Variants in MACROD2 observed in about 807,000 individuals in gnomAD.
MACROD2 encodes the protein ADP-ribose glycohydrolase MACROD2.
Under a neutral mutation model 70.4 loss-of-function variants are expected in MACROD2, and 36 were observed. The observed-to-expected ratio is 0.51, with a 90% CI of 0.39 to 0.68. The LOEUF is 0.68. MACROD2 is among the 30% of genes least tolerant of loss of function. The probability of loss-of-function intolerance (pLI) is 0.00; values close to 1 mark genes in which losing one functional copy is unlikely to be tolerated. For missense variants in MACROD2, 496 were observed against 538.4 expected (o/e 0.92, Z 0.78); for synonymous variants, 172 against 178.8 (o/e 0.96, Z 0.30).
chr20:15,383,705 T>G (rs2146282239), intron 6 of MACROD2, among the ~76,000 whole-genome samples: 1 of 152,322 alleles, frequency 6.6e-6, no homozygotes, highest in Non-Finnish European at 1.5e-5. Context: ...TCTGGTGCAC[T>G]TCCCAGAAAC....
intron 8 of MACROD2, among the ~76,000 whole-genome samples, chr20:15,627,356 C>G (rs1305574870): frequency 6.6e-6 from 1 of 152,070 alleles, no homozygotes; most frequent in East Asian, 1.9e-4. Context: ...GTTCTTCCTG[C>G]CCCACTGCAC....
At chr20:15,661,974 A>G (rs549632023) in intron 8 of MACROD2, among the ~76,000 whole-genome samples, 1 of 151,876 alleles carries the variant, frequency 6.6e-6, no homozygotes, top group Non-Finnish European at 1.5e-5. Flanking sequence ...ACCTTTTCCA[A>G]TTTTCTCTTA....
intron 10 of MACROD2, among the ~76,000 whole-genome samples, chr20:15,911,687 A>C (rs2065239825): frequency 6.6e-6 from 1 of 152,192 alleles, no homozygotes; most frequent in Admixed American, 6.5e-5. Context: ...CAGGGGAGGA[A>C]ATAAAAGCTA....
At chr20:15,578,518 G>T (rs2048479221) in intron 8 of MACROD2, among the ~76,000 whole-genome samples, 1 of 152,252 alleles carries the variant, frequency 6.6e-6, no homozygotes, top group African/African-American at 2.4e-5. Flanking sequence ...GCAGCTTTCA[G>T]TTATAGTTAA....
chr20:14,101,446 A>C (rs1386399065), intron 3 of MACROD2, among the ~76,000 whole-genome samples: 1 of 152,036 alleles, frequency 6.6e-6, no homozygotes, highest in Non-Finnish European at 1.5e-5. Flanking sequence ...ATAATTATGT[A>C]AGTTTAGCGT....
At chr20:15,149,197 G>A (rs2076251465) in intron 5 of MACROD2, among the ~76,000 whole-genome samples, 1 of 152,004 alleles carries the variant, frequency 6.6e-6, no homozygotes, top group Admixed American at 6.5e-5. Flanking sequence ...AATAATCCCT[G>A]AGGAGTAGTA....
intron 3 of MACROD2, among the ~76,000 whole-genome samples, chr20:14,181,613 C>T (rs1004505426): frequency 2.6e-5 from 4 of 151,872 alleles, no homozygotes; most frequent in Middle Eastern, 3.4e-3. Context: ...GAAGGAAATC[C>T]TCCACCCCTC....
At chr20:15,298,395 G>T (rs1210812782) in intron 6 of MACROD2, among the ~76,000 whole-genome samples, 1 of 152,208 alleles carries the variant, frequency 6.6e-6, no homozygotes, top group Non-Finnish European at 1.5e-5. Context: ...TCTGTGACAG[G>T]TACCAGGAGA....
chr20:15,093,765 A>T (rs1391374110), intron 5 of MACROD2, among the ~76,000 whole-genome samples: 1 of 152,110 alleles, frequency 6.6e-6, no homozygotes, highest in Non-Finnish European at 1.5e-5. Flanking sequence ...TCTGCATCTT[A>T]TTTGCCCACA....
intron 8 of MACROD2, among the ~76,000 whole-genome samples, chr20:15,619,040 A>G (rs573842271): frequency 6.6e-6 from 1 of 152,268 alleles, no homozygotes; most frequent in Non-Finnish European, 1.5e-5. Flanking sequence ...GGTGAGCCAC[A>G]AGATCACATG....
intron 8 of MACROD2, among the ~76,000 whole-genome samples, chr20:15,756,054 A>C (rs1271466272): frequency 6.6e-6 from 1 of 152,084 alleles, no homozygotes; most frequent in Non-Finnish European, 1.5e-5. Context: ...TGGTTATGCC[A>C]CCTCTGTCCC....
At chr20:15,288,047 A>G (rs2077507590) in intron 6 of MACROD2, among the ~76,000 whole-genome samples, 2 of 152,318 alleles carry the variant, frequency 1.3e-5, no homozygotes, top group South Asian at 2.1e-4. Flanking sequence ...GAGTTAGGTA[A>G]CCTGATTTGA....
intron 3 of MACROD2, among the ~76,000 whole-genome samples, chr20:14,402,601 T>C (rs920813409): frequency 3.3e-5 from 5 of 152,086 alleles, no homozygotes; most frequent in African/African-American, 1.2e-4. Flanking sequence ...AATGTTATGA[T>C]AGTTTATAGA....
At chr20:15,439,588 C>A (rs1053435862) in intron 7 of MACROD2, among the ~76,000 whole-genome samples, 1 of 152,152 alleles carries the variant, frequency 6.6e-6, no homozygotes, top group Non-Finnish European at 1.5e-5. Flanking sequence ...GCAGTGAAAC[C>A]ACCTTAGCCT....
intron 7 of MACROD2, among the ~76,000 whole-genome samples, chr20:15,468,704 G>T (rs908807322): frequency 6.6e-6 from 1 of 152,026 alleles, no homozygotes; most frequent in Non-Finnish European, 1.5e-5. Context: ...TGCTGTTCTT[G>T]CATCCTTTCT....
At chr20:14,874,849 T>G (rs2073531423) in intron 5 of MACROD2, among the ~76,000 whole-genome samples, 1 of 151,590 alleles carries the variant, frequency 6.6e-6, no homozygotes, top group Non-Finnish European at 1.5e-5. Flanking sequence ...GGATTACAGG[T>G]GTGCGCCACA....
intron 8 of MACROD2, among the ~76,000 whole-genome samples, chr20:15,651,252 A>G (rs1158288423): frequency 1.3e-5 from 2 of 152,236 alleles, no homozygotes; most frequent in African/African-American, 4.8e-5. Context: ...ATTCTGGCTC[A>G]AAAAAGCAAT....
intron 5 of MACROD2, among the ~76,000 whole-genome samples, chr20:15,039,664 A>C (rs2123022721): frequency 6.6e-6 from 1 of 152,260 alleles, no homozygotes; most frequent in African/African-American, 2.4e-5. Flanking sequence ...AACTAAACAG[A>C]AAGCGACTCT....
chr20:15,504,447 T>C (rs750803219), intron 8 of MACROD2, among the ~76,000 whole-genome samples: 3 of 152,170 alleles, frequency 2.0e-5, no homozygotes, highest in African/African-American at 7.2e-5. Flanking sequence ...AAAAACATGA[T>C]GACTCTTGAG....
Sources: allele counts gnomAD v4.1 joint callset (sites outside exome capture counted in the v4.1 genomes callset), GRCh38; gene constraint gnomAD v4.1.1; transcripts MANE v1.5; gene names NCBI Gene and HGNC (gene_info 2026-07-23, HGNC 2026-07-21).